DMD: variants seen among roughly 807,000 people sequenced by gnomAD.
The protein encoded by DMD is dystrophin.
In DMD, 63 loss-of-function variants were observed where a neutral mutation model predicts 330.1. The ratio of observed to expected loss-of-function variants is 0.19; its 90% CI spans 0.16 to 0.24. DMD has a LOEUF of 0.24. Among genes scored for constraint, DMD ranks in the 10% least tolerant of loss-of-function variants. The probability of loss-of-function intolerance (pLI) is 1.00; values close to 1 mark genes in which losing one functional copy is unlikely to be tolerated. For missense variants in DMD, 3,344 were observed against 2,684.1 expected (o/e 1.25, Z -5.43); for synonymous variants, 1,223 against 959.8 (o/e 1.27, Z -5.07).
intron 44 of DMD, among the ~76,000 whole-genome samples, chrX:32,148,389 G>A (rs2096788677): frequency 9.0e-6 from 1 of 111,152 alleles, no homozygotes; most frequent in Non-Finnish European, 1.9e-5. Flanking sequence ...GATTTGTTAA[G>A]GTATTTTGAA....
chrX:31,432,160 T>C lies in DMD; in HGVS notation c.9084+12321A>G, dbSNP rs186236549. Among the ~76,000 whole-genome samples, 4 of 112,207 alleles carry C rather than the reference T, an allele frequency of 3.6e-5. No individual in the cohort carries two copies. In the East Asian group the frequency reaches 1.1e-3, roughly 31 times the overall value. ...AAATACAAAATACCAAGAGGTTCTA[T>C]ATATAATCTTTGAAAGTACCCTTTC... On this transcript the variant is annotated intron_variant, in intron 60 of 78. Transcript: ENST00000357033.
chrX:32,339,204 C>A (rs1342018350), intron 41 of DMD, among the ~76,000 whole-genome samples: 1 of 111,285 alleles, frequency 9.0e-6, no homozygotes, highest in Non-Finnish European at 1.9e-5. Flanking sequence ...TCATACAGCA[C>A]TCAAAGTCAC....
At chrX:32,653,752 A>G (rs2060346197) in intron 9 of DMD, among the ~76,000 whole-genome samples, 1 of 111,731 alleles carries the variant, frequency 9.0e-6, no homozygotes, top group Non-Finnish European at 1.9e-5. Context: ...CTTGGGCAGT[A>G]TGGCCATTTT....
chrX:32,096,404 A>G (rs1295925279), intron 44 of DMD, among the ~76,000 whole-genome samples: 6 of 111,587 alleles, frequency 5.4e-5, no homozygotes, highest in Admixed American at 1.9e-4. Context: ...AATAGTTTCC[A>G]GAATTCTAGC....
intron 1 of DMD, among the ~76,000 whole-genome samples, chrX:33,032,940 G>C (rs934463640): frequency 8.9e-6 from 1 of 111,984 alleles, no homozygotes; most frequent in Non-Finnish European, 1.9e-5. Flanking sequence ...TAGGAATGAA[G>C]GCCAAACATG....
intron 44 of DMD, among the ~76,000 whole-genome samples, chrX:32,196,307 T>A (rs58959668): frequency 0.011 from 1,222 of 111,600 alleles, 18 homozygotes; most frequent in African/African-American, 0.037. Flanking sequence ...ATAAAAAAAA[T>A]TTTTCACTTC....
chrX:31,955,870 T>C (rs1036780726), intron 45 of DMD, among the ~76,000 whole-genome samples: 1 of 112,137 alleles, frequency 8.9e-6, no homozygotes, highest in Non-Finnish European at 1.9e-5. Flanking sequence ...TCTGAAACTA[T>C]ATATTGGGCC....
At chrX:31,357,718 G>A (rs981602050) in intron 60 of DMD, among the ~76,000 whole-genome samples, 1 of 111,269 alleles carries the variant, frequency 9.0e-6, no homozygotes, top group East Asian at 2.8e-4. Flanking sequence ...AAGGAAGCTT[G>A]TCCGCCAGAA....
At chrX:32,350,856 T>C (rs1382631750) in intron 37 of DMD, among the ~76,000 whole-genome samples, 7 of 110,947 alleles carry the variant, frequency 6.3e-5, no homozygotes, top group African/African-American at 2.3e-4. Context: ...GACCTTTTTT[T>C]GCAGGCCATT....
At chrX:31,889,406 C>T in intron 47 of DMD, among the ~76,000 whole-genome samples, 1 of 110,250 alleles carries the variant, frequency 9.1e-6, no homozygotes, top group Non-Finnish European at 1.9e-5. Flanking sequence ...CCTTTAATGG[C>T]TCCTGGAGGC....
In DMD at chrX:32,226,724, G is replaced by A. The variant is rs1266787928; in HGVS notation, c.6291-9661C>T. 2.7e-5 allele frequency among the ~76,000 whole-genome samples: 3 copies of A among 110,785 alleles called. No homozygotes were observed. In the Admixed American group the frequency reaches 2.9e-4, roughly 11 times the overall value. ...TCACACATAAACCCAGAATAATACTGCCTACCTCATTCAGCTTTTTCAGGA... is the reference window on the plus strand; with the variant it reads ...TCACACATAAACCCAGAATAATACTACCTACCTCATTCAGCTTTTTCAGGA... On this transcript the variant is annotated intron_variant, in intron 43 of 78. Coordinates refer to ENST00000357033, the MANE Select transcript of DMD (RefSeq NM_004006.3).
At chrX:32,827,476 T>C (rs911750481) in intron 4 of DMD, among the ~76,000 whole-genome samples, 1 of 110,742 alleles carries the variant, frequency 9.0e-6, no homozygotes, top group Non-Finnish European at 1.9e-5. Flanking sequence ...GCAGGTTTGT[T>C]ACATAGGTAA....
At chrX:32,108,435 T>C (rs751872343) in intron 44 of DMD, among the ~76,000 whole-genome samples, 5 of 111,999 alleles carry the variant, frequency 4.5e-5, no homozygotes, top group Admixed American at 2.8e-4. Context: ...AAACAGTATT[T>C]ATAGAAACAG....
chrX:32,646,742 G>A (rs2059808279), intron 9 of DMD, among the ~76,000 whole-genome samples: 1 of 111,584 alleles, frequency 9.0e-6, no homozygotes, highest in Non-Finnish European at 1.9e-5. Flanking sequence ...TTCCCCAACT[G>A]TTAAGTCCTT....
At chrX:32,184,652 T>C (rs1028676744) in intron 44 of DMD, among the ~76,000 whole-genome samples, 2 of 110,945 alleles carry the variant, frequency 1.8e-5, no homozygotes, top group Non-Finnish European at 3.8e-5. Flanking sequence ...TAGCAACCAC[T>C]CTTCTTGCAA....
At chrX:31,854,855 C>G (rs138102120) in intron 48 of DMD, among the ~76,000 whole-genome samples, 5 of 111,462 alleles carry the variant, frequency 4.5e-5, no homozygotes, top group Admixed American at 1.9e-4. Flanking sequence ...ACCCTGTGTA[C>G]TGCAGGGTGT....
chrX:32,926,152 T>C (rs1215742539), intron 2 of DMD, among the ~76,000 whole-genome samples: 1 of 111,723 alleles, frequency 9.0e-6, no homozygotes, highest in Non-Finnish European at 1.9e-5. Flanking sequence ...TGTGACAACA[T>C]GGATAATCCT....
At chrX:31,373,268 C>A in intron 60 of DMD, among the ~76,000 whole-genome samples, 1 of 105,779 alleles carries the variant, frequency 9.5e-6, no homozygotes, top group South Asian at 4.5e-4. Context: ...AGATTCAATG[C>A]CATCCCCATC....
At chrX:32,895,844 C>CGTGTGTGTGTGTGTGTGTGT (rs5902042) in intron 2 of DMD, among the ~76,000 whole-genome samples, 4 of 99,789 alleles carry the variant, frequency 4.0e-5, no homozygotes, top group African/African-American at 1.5e-4. Flanking sequence ...TTGGAATGAA[C>CGTGTGTGTGTGTGTGTGTGT]GTGTGTGTGT....
Sources: gnomAD v4.1 joint callset for allele counts (sites outside exome capture counted in the v4.1 genomes callset) on GRCh38, gnomAD v4.1.1 for gene constraint, MANE v1.5 for transcripts, NCBI Gene and HGNC (gene_info 2026-07-23, HGNC 2026-07-21) for gene names.